Variants in ADARB2 observed in about 807,000 individuals in gnomAD.
ADARB2 encodes the protein adenosine deaminase RNA specific B2 (inactive), also known as inactive double-stranded RNA-specific editase B2.
A neutral mutation model predicts 62.2 loss-of-function variants in ADARB2; 25 were observed. That is an observed-to-expected ratio of 0.40 (90% confidence interval 0.29 to 0.56). ADARB2 has a LOEUF of 0.56. Among genes scored for constraint, ADARB2 ranks in the 20% least tolerant of loss-of-function variants. The pLI is 0.43. For synonymous variants in ADARB2, 572 were observed against 500.8 expected (o/e 1.14, Z -1.90); for missense variants, 1,071 against 1,077.4 (o/e 0.99, Z 0.08).
intron 1 of ADARB2, among the ~76,000 whole-genome samples, chr10:1,730,279 G>T (rs1022281873): frequency 6.6e-6 from 1 of 152,176 alleles, no homozygotes; most frequent in African/African-American, 2.4e-5. Context: ...TTAGAGATCC[G>T]TAGGAGTGAG....
intron 4 of ADARB2, among the ~76,000 whole-genome samples, chr10:1,251,785 A>T (rs1209689134): frequency 6.6e-6 from 1 of 152,184 alleles, no homozygotes; most frequent in Non-Finnish European, 1.5e-5. Flanking sequence ...TAATACCCCT[A>T]TAAAAGAGAC....
At chr10:1,570,476 A>G (rs968639597) in intron 1 of ADARB2, among the ~76,000 whole-genome samples, 2 of 152,102 alleles carry the variant, frequency 1.3e-5, no homozygotes. Context: ...GCACGGCAGG[A>G]AAGGCCTCCC....
intron 1 of ADARB2, among the ~76,000 whole-genome samples, chr10:1,636,567 C>G (rs961805177): frequency 6.6e-6 from 1 of 151,914 alleles, no homozygotes; most frequent in Non-Finnish European, 1.5e-5. Flanking sequence ...TCCGCACAGA[C>G]CAGCAGTTGC....
intron 4 of ADARB2, among the ~76,000 whole-genome samples, chr10:1,263,432 AAAAG>A (rs1230310269): frequency 6.6e-6 from 1 of 152,196 alleles, no homozygotes; most frequent in African/African-American, 2.4e-5. Context: ...TTCCAGTAAA[AAAAG>A]ACTCATAGTC....
At chr10:1,267,741 A>G (rs1232917135) in intron 4 of ADARB2, among the ~76,000 whole-genome samples, 2 of 152,252 alleles carry the variant, frequency 1.3e-5, no homozygotes, top group African/African-American at 2.4e-5. Context: ...CTGGGGGTGG[A>G]GGCGGAGCCT....
intron 1 of ADARB2, among the ~76,000 whole-genome samples, chr10:1,484,175 A>G (rs1831514540): frequency 1.3e-5 from 2 of 152,224 alleles, no homozygotes; most frequent in Admixed American, 6.5e-5. Context: ...GGACAATACT[A>G]TCTCTCTTCT....
At chr10:1,592,512 C>T (rs371157579) in intron 1 of ADARB2, among the ~76,000 whole-genome samples, 1 of 16,634 alleles carries the variant, frequency 6.0e-5, no homozygotes, top group African/African-American at 1.6e-4. Flanking sequence ...CAGCTTCCCT[C>T]GCCCAAGCCA....
chr10:1,323,514 A>G (rs1831814710), intron 3 of ADARB2, among the ~76,000 whole-genome samples: 1 of 152,210 alleles, frequency 6.6e-6, no homozygotes, highest in Admixed American at 6.5e-5. Context: ...AATAACTGAA[A>G]TGCCAACTTT....
chr10:1,678,278 G>T (rs539820759), intron 1 of ADARB2: 4 of 985,136 alleles, frequency 4.1e-6, no homozygotes, highest in Middle Eastern at 5.2e-4. Flanking sequence ...GGGACCTCGG[G>T]GTGAGCGTCC....
chr10:1,563,730 C>T (rs894960158), intron 1 of ADARB2, among the ~76,000 whole-genome samples: 17 of 149,924 alleles, frequency 1.1e-4, no homozygotes, highest in African/African-American at 3.7e-4. Flanking sequence ...ACTGCACCCA[C>T]TAACTCGTCA....
chr10:1,372,874 G>A (rs565298087), intron 2 of ADARB2, among the ~76,000 whole-genome samples: 54 of 152,236 alleles, frequency 3.5e-4, no homozygotes, highest in Admixed American at 7.8e-4. Context: ...CAGGGCAGAC[G>A]GGGAACACTT....
intron 1 of ADARB2, among the ~76,000 whole-genome samples, chr10:1,629,520 G>T (rs1251839377): frequency 7.8e-6 from 1 of 128,738 alleles, no homozygotes; most frequent in African/African-American, 3.1e-5. Flanking sequence ...ACACCACCCA[G>T]TGCCCAAGTC....
chr10:1,337,263 G>A (rs1831983426), intron 3 of ADARB2, among the ~76,000 whole-genome samples: 2 of 152,140 alleles, frequency 1.3e-5, no homozygotes, highest in African/African-American at 4.8e-5. Context: ...AAAATACCCA[G>A]AGTGATTCTC....
chr10:1,681,642 C>T (rs1834537881), intron 1 of ADARB2, among the ~76,000 whole-genome samples: 1 of 152,116 alleles, frequency 6.6e-6, no homozygotes, highest in Admixed American at 6.5e-5. Context: ...CCTGTGGTTT[C>T]TAAGAGCTCC....
chr10:1,562,668 T>C (rs1832801026), intron 1 of ADARB2, among the ~76,000 whole-genome samples: 1 of 152,260 alleles, frequency 6.6e-6, no homozygotes, highest in Non-Finnish European at 1.5e-5. Context: ...TCCTGGAGGC[T>C]GGCCCTCGGC....
At chr10:1,345,083 C>T (rs898665829) in intron 3 of ADARB2, among the ~76,000 whole-genome samples, 9 of 152,154 alleles carry the variant, frequency 5.9e-5, no homozygotes, top group Admixed American at 3.3e-4. Flanking sequence ...TGGAGGGAAC[C>T]GCCGCAGCCT....
At chr10:1,471,873 G>C (rs916189216) in intron 1 of ADARB2, among the ~76,000 whole-genome samples, 5 of 152,240 alleles carry the variant, frequency 3.3e-5, no homozygotes, top group African/African-American at 1.2e-4. Flanking sequence ...GGACCAAGGA[G>C]AGAACCTTGT....
At chr10:1,370,841 T>C (rs1399660570) in intron 2 of ADARB2, among the ~76,000 whole-genome samples, 1 of 152,212 alleles carries the variant, frequency 6.6e-6, no homozygotes, top group Non-Finnish European at 1.5e-5. Flanking sequence ...TGCTCATGGA[T>C]TGGAAGAATC....
At chr10:1,326,234 A>G (rs1831843642) in intron 3 of ADARB2, among the ~76,000 whole-genome samples, 1 of 152,204 alleles carries the variant, frequency 6.6e-6, no homozygotes, top group Non-Finnish European at 1.5e-5. Context: ...TGCAGCACAC[A>G]AGGCTGAGCC....
Sources: allele counts gnomAD v4.1 joint callset (sites outside exome capture counted in the v4.1 genomes callset), GRCh38; gene constraint gnomAD v4.1.1; transcripts MANE v1.5; gene names NCBI Gene and HGNC (gene_info 2026-07-23, HGNC 2026-07-21).